The following PDE1A variants were observed in gnomAD, a reference collection of about 807,000 sequenced individuals.
PDE1A encodes the protein dual specificity calcium/calmodulin-dependent 3',5'-cyclic nucleotide phosphodiesterase 1A.
A neutral mutation model predicts 61.7 loss-of-function variants in PDE1A; 35 were observed. The observed-to-expected ratio is 0.57, with a 90% CI of 0.43 to 0.75. PDE1A has a LOEUF of 0.75. PDE1A is among the 30% of genes least tolerant of loss of function. PDE1A has a pLI of 0.00. For synonymous variants in PDE1A, 232 were observed against 213.2 expected, an observed-to-expected ratio of 1.09 and a Z score of -0.77; for missense variants, 597 against 630.6, an observed-to-expected ratio of 0.95 and a Z score of 0.57.
chr2:182,680,715 T>C, the PDE1A span, among the ~76,000 whole-genome samples: 2 of 152,160 alleles, frequency 1.3e-5, no homozygotes, highest in Admixed American at 1.3e-4. Flanking sequence ...GTCTTAAAGT[T>C]GGGGTTTAGC....
the PDE1A span, among the ~76,000 whole-genome samples, chr2:182,695,666 C>CAAAAAAAA: frequency 6.1e-5 from 2 of 32,876 alleles, no homozygotes; most frequent in African/African-American, 1.0e-4. Flanking sequence ...GGCCCTCTCT[C>CAAAAAAAA]AAAAAAAAAA....
intron 1 of PDE1A, among the ~76,000 whole-genome samples, chr2:182,288,663 C>T (rs946871411): frequency 1.3e-5 from 2 of 151,968 alleles, no homozygotes; most frequent in African/African-American, 4.8e-5. Context: ...GAAACTTGAA[C>T]TCTTAAACAG....
chr2:182,575,224 C>A, the PDE1A span, among the ~76,000 whole-genome samples: 1 of 152,090 alleles, frequency 6.6e-6, no homozygotes, highest in Non-Finnish European at 1.5e-5. Context: ...TCCCATTGAC[C>A]TTAATCACAG....
At chr2:182,234,625 T>C in intron 3 of PDE1A, 127 bp from the exon 4 acceptor site, 1 of 615,074 alleles carries the variant, frequency 1.6e-6, no homozygotes, top group Non-Finnish European at 2.9e-6. Flanking sequence ...CAGACTCCCT[T>C]TGTGTCAATA....
intron 1 of PDE1A, among the ~76,000 whole-genome samples, chr2:182,419,624 C>T (rs1703147438): frequency 6.6e-6 from 1 of 152,148 alleles, no homozygotes; most frequent in Non-Finnish European, 1.5e-5. Context: ...TTTGTTCACC[C>T]CAACAATAGA....
chr2:182,364,858 T>C (rs1437284062), intron 1 of PDE1A, among the ~76,000 whole-genome samples: 1 of 152,046 alleles, frequency 6.6e-6, no homozygotes, highest in Non-Finnish European at 1.5e-5. Flanking sequence ...ACAGACATTG[T>C]ATTCAGTTAA....
chr2:182,451,881 T>G (rs1028282350), intron 2 of PDE1A, among the ~76,000 whole-genome samples: 38 of 152,124 alleles, frequency 2.5e-4, no homozygotes, highest in Non-Finnish European at 5.6e-4. Context: ...GCTTTCCTTT[T>G]TTCCTTTTTC....
intron 1 of PDE1A, among the ~76,000 whole-genome samples, chr2:182,317,800 A>G (rs888073627): frequency 2.0e-5 from 3 of 152,126 alleles, no homozygotes; most frequent in Non-Finnish European, 1.5e-5. Flanking sequence ...GAAAATAAAT[A>G]GACATGAGAA....
the PDE1A span, among the ~76,000 whole-genome samples, chr2:182,702,474 T>C: frequency 6.6e-6 from 1 of 152,104 alleles, no homozygotes; most frequent in African/African-American, 2.4e-5. Flanking sequence ...GACCCAAAGA[T>C]GAATAGATTC....
chr2:182,518,022 G>A (rs903872629), intron 2 of PDE1A, among the ~76,000 whole-genome samples: 4 of 152,270 alleles, frequency 2.6e-5, no homozygotes, highest in African/African-American at 7.2e-5. Context: ...TGAATAGGAG[G>A]CATGTCACAG....
chr2:182,699,982 C>G, the PDE1A span, among the ~76,000 whole-genome samples: 7 of 152,300 alleles, frequency 4.6e-5, no homozygotes, highest in East Asian at 1.2e-3. Flanking sequence ...ACTGGTGCTA[C>G]TGTCATCTAA....
intron 2 of PDE1A, among the ~76,000 whole-genome samples, chr2:182,497,041 T>C (rs1688757569): frequency 6.6e-6 from 1 of 152,200 alleles, no homozygotes; most frequent in South Asian, 2.1e-4. Flanking sequence ...CACAGAGTTT[T>C]CCAGACAATT....
At chr2:182,705,505 T>C in the PDE1A span, among the ~76,000 whole-genome samples, 1 of 144,302 alleles carries the variant, frequency 6.9e-6, no homozygotes, top group Non-Finnish European at 1.5e-5. Context: ...GGGCTAAGTC[T>C]TTTTTTTTTT....
the PDE1A span, among the ~76,000 whole-genome samples, chr2:182,642,664 G>C: frequency 6.6e-6 from 1 of 152,140 alleles, no homozygotes; most frequent in African/African-American, 2.4e-5. Flanking sequence ...TTGGGGAAGA[G>C]ATGCTGAAGT....
the PDE1A span, among the ~76,000 whole-genome samples, chr2:182,651,147 C>T: frequency 1.3e-5 from 2 of 152,144 alleles, no homozygotes; most frequent in Non-Finnish European, 2.9e-5. Context: ...GCTGGGATTA[C>T]AGGCACCTGC....
intron 1 of PDE1A, among the ~76,000 whole-genome samples, chr2:182,359,089 C>G (rs1699358498): frequency 6.6e-6 from 1 of 151,744 alleles, no homozygotes; most frequent in Non-Finnish European, 1.5e-5. Context: ...GTGGATGTTT[C>G]TTGAACAAGT....
upstream of PDE1A, among the ~76,000 whole-genome samples, chr2:182,523,876 T>G (rs1574855858): frequency 6.6e-6 from 1 of 152,182 alleles, no homozygotes; most frequent in East Asian, 1.9e-4. Context: ...ATGACACTGA[T>G]GCTATCTAGT....
At chr2:182,345,960 G>A (rs1270973904) in intron 1 of PDE1A, among the ~76,000 whole-genome samples, 1 of 152,168 alleles carries the variant, frequency 6.6e-6, no homozygotes, top group African/African-American at 2.4e-5. Flanking sequence ...AGAAGGAAAT[G>A]TGTCTGATTA....
chr2:182,535,448 T>G, the PDE1A span, among the ~76,000 whole-genome samples: 4 of 152,254 alleles, frequency 2.6e-5, no homozygotes, highest in Non-Finnish European at 5.9e-5. Context: ...TGTATGGCTA[T>G]TATGCTTTCG....
Sources: allele counts gnomAD v4.1 joint callset (sites outside exome capture counted in the v4.1 genomes callset), GRCh38; gene constraint gnomAD v4.1.1; transcripts MANE v1.5; gene names NCBI Gene and HGNC (gene_info 2026-07-23, HGNC 2026-07-21).